Variants in ALPK1 observed in about 807,000 individuals in gnomAD.
The protein encoded by ALPK1 is alpha-protein kinase 1.
A neutral mutation model predicts 120.6 loss-of-function variants in ALPK1; 110 were observed. The observed-to-expected ratio is 0.91, with a 90% CI of 0.78 to 1.07. ALPK1 has a LOEUF of 1.07. Among genes scored for constraint, ALPK1 ranks in the 50% least tolerant of loss-of-function variants. The pLI, the probability that ALPK1 is intolerant of heterozygous loss-of-function variation, is 0.00. For missense variants in ALPK1, 1,498 were observed against 1,483.9 expected, an observed-to-expected ratio of 1.01 and a Z score of -0.16; for synonymous variants, 582 against 560.3, an observed-to-expected ratio of 1.04 and a Z score of -0.55.
chr4:112,415,374 G>A (rs1257795088), intron 5 of ALPK1, among the ~76,000 whole-genome samples: 1 of 152,172 alleles, frequency 6.6e-6, no homozygotes, highest in South Asian at 2.1e-4. Flanking sequence ...AGCGGCTCAC[G>A]CCTGTAAACC....
intron 2 of ALPK1, among the ~76,000 whole-genome samples, chr4:112,368,355 A>G (rs915595469): frequency 7.2e-5 from 11 of 152,150 alleles, no homozygotes; most frequent in Non-Finnish European, 1.5e-4. Flanking sequence ...AATATTTTCA[A>G]CACATTAATT....
chr4:112,426,417 A>C (rs753208572), intron 7 of ALPK1, 50 bp from the exon 8 acceptor site: 1 of 1,407,332 alleles, frequency 7.1e-7, no homozygotes, highest in East Asian at 2.3e-5. Context: ...GAGCACAGAT[A>C]CTAGCTGTTC....
intron 8 of ALPK1, among the ~76,000 whole-genome samples, 161 bp from the exon 9 acceptor site, chr4:112,427,409 A>G (rs1434078041): frequency 2.7e-5 from 1 of 37,636 alleles, no homozygotes; most frequent in Non-Finnish European, 5.4e-5. Context: ...TAGTATTTTT[A>G]AAAATTGATT....
At chr4:112,358,196 C>A in intron 2 of ALPK1, 1 of 611,688 alleles carries the variant, frequency 1.6e-6, no homozygotes, top group Admixed American at 2.0e-5. Context: ...CTGGCACTGC[C>A]AGGACAACAG....
At chr4:112,427,505 C>T in intron 8 of ALPK1, 65 bp from the exon 9 acceptor site, 2 of 1,106,108 alleles carry the variant, frequency 1.8e-6, no homozygotes, top group Non-Finnish European at 2.8e-6. Flanking sequence ...GCCTTTAGGC[C>T]ATGGATGAGA....
At position 112,431,472 on chromosome 4, in the gene ALPK1, A is replaced by G. The variant is rs13148353; in HGVS notation, c.1925A>G (p.His642Arg). Residue 642 changes from histidine (H) to arginine (R), a missense_variant, in exon 11 of 16, where the codon CAT becomes CGT. Transcript: ENST00000650871. ...GAAGGCAGAGCTATGCATTCATTGC[A>G]TTCACAGCTTCATGATCTCTCTCTT... is the stretch of plus-strand genomic sequence containing the variant. ...DREGRAMHSLHSQLHDLSLQE... is the reference protein window; with the variant it reads ...DREGRAMHSLRSQLHDLSLQE... 1,055,887 of 1,613,940 alleles carry G rather than the reference A, an allele frequency of 0.65. 347,027 individuals carry two copies. Among genetic ancestry groups the G allele is most frequent in the African/African-American group, 0.73 (55,006 of 74,966 alleles).
In ALPK1 at chr4:112,430,547, A is replaced by G. The variant is rs1432331608; in HGVS notation, c.1000A>G (p.Ile334Val). The change falls in exon 11 of 16, where the codon ATT (isoleucine) becomes GTT (valine). Residue 334 changes from isoleucine to valine, a missense_variant. Physicochemically the swap from Ile to Val is conservative, Grantham distance 29. Transcript: ENST00000650871. ...GTGTGAAGCCAAAGAGGCCTTTGAG[A>G]TTGGCCTCCTCACCAAGAGAGATGA... ...HLCEAKEAFE[I>V]GLLTKRDDEP... 1.2e-6 allele frequency: 2 copies of G among 1,614,208 alleles called. No homozygotes were observed. The highest frequency in any genetic ancestry group is 2.2e-5 in the South Asian group (2 of 91,080).
In ALPK1 at chr4:112,431,266, T is replaced by A. The variant is rs1239087115; in HGVS notation, c.1719T>A (p.Ser573=). ...SNGEGAVFNK[S]LSGSQTSSAW... is the part of the protein sequence containing the mutation. ...GTGAGGGAGCTGTTTTCAACAAGTCTCTGAGTGGCAGCCAGACTTCCAGTG... is the reference window on the plus strand; with the variant it reads ...GTGAGGGAGCTGTTTTCAACAAGTCACTGAGTGGCAGCCAGACTTCCAGTG... The change falls in exon 11 of 16, where the codon TCT becomes TCA. Residue 573 remains serine, a synonymous_variant. Transcript: ENST00000650871. The A allele has an allele frequency of 2.5e-6, 4 of 1,614,078 alleles. No individual in the cohort carries two copies. The highest frequency in any genetic ancestry group is 3.4e-6 in the Non-Finnish European group (4 of 1,180,040).
chr4:112,306,487 T>A (rs1424440095), intron 1 of ALPK1, among the ~76,000 whole-genome samples: 1 of 152,152 alleles, frequency 6.6e-6, no homozygotes, highest in Non-Finnish European at 1.5e-5. Context: ...GGAGGGTGTA[T>A]GTGTCGAGGA....
At chr4:112,355,662 G>A (rs1185659408) in intron 2 of ALPK1, among the ~76,000 whole-genome samples, 2 of 152,198 alleles carry the variant, frequency 1.3e-5, no homozygotes, top group African/African-American at 4.8e-5. Context: ...GCCTGTGGGC[G>A]ATGGAAGTGA....
chr4:112,332,554 T>C (rs930893333), intron 2 of ALPK1, among the ~76,000 whole-genome samples: 1 of 152,234 alleles, frequency 6.6e-6, no homozygotes, highest in Non-Finnish European at 1.5e-5. Context: ...CTATGTCCTG[T>C]GAAATGGTGA....
At chr4:112,356,203 G>A (rs1730603803) in intron 2 of ALPK1, 9 of 1,604,090 alleles carry the variant, frequency 5.6e-6, no homozygotes, top group Non-Finnish European at 7.7e-6. Flanking sequence ...GCCAACAGGA[G>A]TACATGACCA....
chr4:112,346,430 T>C (rs1218809374), intron 2 of ALPK1, among the ~76,000 whole-genome samples: 43 of 152,244 alleles, frequency 2.8e-4, no homozygotes, highest in Admixed American at 2.7e-3. Context: ...TAGTAACTTT[T>C]AGAATGAGAA....
intron 2 of ALPK1, among the ~76,000 whole-genome samples, chr4:112,361,249 G>T (rs560816899): frequency 1.2e-3 from 181 of 152,292 alleles, no homozygotes; most frequent in Non-Finnish European, 2.4e-3. Context: ...GGCTCTGTGG[G>T]ACAGCCGAGG....
intron 4 of ALPK1, among the ~76,000 whole-genome samples, chr4:112,406,730 G>A (rs563355597): frequency 1.3e-5 from 2 of 151,650 alleles, no homozygotes; most frequent in African/African-American, 4.9e-5. Context: ...CTGTGTAGAG[G>A]CTGGCCATAA....
intron 7 of ALPK1, 39 bp from the exon 8 acceptor site, chr4:112,426,428 C>T (rs1296362759): frequency 1.3e-6 from 2 of 1,525,508 alleles, no homozygotes; most frequent in Non-Finnish European, 1.8e-6. Context: ...CTAGCTGTTC[C>T]TCCCCTGTCC....
intron 1 of ALPK1, among the ~76,000 whole-genome samples, chr4:112,300,456 T>A (rs1378550398): frequency 2.0e-5 from 3 of 151,872 alleles, no homozygotes; most frequent in Non-Finnish European, 4.4e-5. Context: ...ATATAGTAAA[T>A]AAAACTATGC....
intron 5 of ALPK1, among the ~76,000 whole-genome samples, chr4:112,413,172 G>A (rs72896991): frequency 0.016 from 2,472 of 152,268 alleles, 81 homozygotes; most frequent in African/African-American, 0.057. Context: ...TCCTTCTGAT[G>A]GTGTCAGATG....
At position 112,319,765 on chromosome 4, in the gene ALPK1, G is replaced by T. The variant is rs1728785510; in HGVS notation, c.-101+3913G>T. Among the ~76,000 whole-genome samples the T allele has an allele frequency of 2.0e-5, 3 of 152,246 alleles. No individual in the cohort carries two copies. In the South Asian group the frequency reaches 6.2e-4, roughly 32 times the overall value. On this transcript the variant is annotated intron_variant, in intron 2 of 15. Transcript: ENST00000650871. Reference sequence around the variant, plus strand: ...CCTTGTAGAGGTTTTTCACCTCCTTGGTTAAGCATATTCCTAAGTAATTTA... The same window carrying T: ...CCTTGTAGAGGTTTTTCACCTCCTTTGTTAAGCATATTCCTAAGTAATTTA...
Sources: allele counts gnomAD v4.1 joint callset (sites outside exome capture counted in the v4.1 genomes callset), GRCh38; gene constraint gnomAD v4.1.1; transcripts MANE v1.5; gene names NCBI Gene and HGNC (gene_info 2026-07-23, HGNC 2026-07-21).